The following CNTNAP2 variants were observed in gnomAD, a reference collection of about 807,000 sequenced individuals.
CNTNAP2 encodes the protein contactin associated protein 2, also known as contactin-associated protein-like 2.
Under a neutral mutation model 155.2 loss-of-function variants are expected in CNTNAP2, and 98 were observed. The ratio of observed to expected loss-of-function variants is 0.63; its 90% confidence interval spans 0.54 to 0.75. CNTNAP2 has a LOEUF of 0.75. Among genes scored for constraint, CNTNAP2 ranks in the 30% least tolerant of loss-of-function variants. CNTNAP2 has a pLI of 0.00. For missense variants in CNTNAP2, 1,727 were observed against 1,688.1 expected, an observed-to-expected ratio of 1.02 and a Z score of -0.40; for synonymous variants, 651 against 631.2, an observed-to-expected ratio of 1.03 and a Z score of -0.47.
At chr7:146,962,814 G>A (rs1314949204) in intron 3 of CNTNAP2, 1 of 152,366 alleles carries the variant, frequency 6.6e-6, no homozygotes, top group East Asian at 1.9e-4. Flanking sequence ...GCCTCCCAAA[G>A]TGCTGGCATT....
intron 3 of CNTNAP2, among the ~76,000 whole-genome samples, chr7:146,962,159 A>G (rs747429278): frequency 1.3e-5 from 2 of 152,180 alleles, no homozygotes; most frequent in Non-Finnish European, 2.9e-5. Flanking sequence ...TCTTGAGAAC[A>G]GAGACACTGT....
At chr7:147,337,903 T>C (rs1162443661) in intron 9 of CNTNAP2, among the ~76,000 whole-genome samples, 4 of 152,180 alleles carry the variant, frequency 2.6e-5, no homozygotes, top group African/African-American at 9.7e-5. Context: ...ACCTTACTGA[T>C]AAAATTTTTA....
chr7:147,176,982 T>G (rs942950619), intron 8 of CNTNAP2, among the ~76,000 whole-genome samples: 23 of 139,608 alleles, frequency 1.6e-4, no homozygotes, highest in African/African-American at 6.0e-4. Context: ...TATAAAATTA[T>G]AGATATAATT....
At chr7:147,984,308 C>G (rs1208634113) in intron 15 of CNTNAP2, among the ~76,000 whole-genome samples, 3 of 152,218 alleles carry the variant, frequency 2.0e-5, no homozygotes, top group Non-Finnish European at 2.9e-5. Context: ...CTTAGAACTT[C>G]TAACCACCTG....
intron 13 of CNTNAP2, among the ~76,000 whole-genome samples, chr7:147,728,597 G>T (rs563251194): frequency 8.6e-4 from 130 of 151,982 alleles, no homozygotes; most frequent in African/African-American, 3.1e-3. Context: ...TTTCTAGTTA[G>T]CCCCTTTATT....
intron 3 of CNTNAP2, among the ~76,000 whole-genome samples, chr7:146,986,144 C>T (rs937590584): frequency 3.9e-5 from 6 of 152,050 alleles, no homozygotes; most frequent in Admixed American, 2.6e-4. Context: ...TCTTTTATCC[C>T]TCACCCCTCT....
intron 1 of CNTNAP2, among the ~76,000 whole-genome samples, chr7:146,463,256 T>A (rs574555640): frequency 6.6e-6 from 1 of 152,324 alleles, no homozygotes; most frequent in East Asian, 1.9e-4. Flanking sequence ...GGCTTTGTTA[T>A]ATTAAATGAG....
intron 2 of CNTNAP2, among the ~76,000 whole-genome samples, chr7:146,812,001 A>G (rs377589111): frequency 6.6e-5 from 10 of 152,286 alleles, no homozygotes; most frequent in South Asian, 2.1e-4. Flanking sequence ...TAAATCACCC[A>G]GTCTCAGGTA....
rs1803374581 is a variant in CNTNAP2, at chr7:146,825,067, C to G, written c.209-14644C>G. Among the ~76,000 whole-genome samples, 3 of 152,084 alleles carry G rather than the reference C, an allele frequency of 2.0e-5. No individual in the cohort carries two copies. In the South Asian group the frequency reaches 6.2e-4, roughly 32 times the overall value. The stretch of plus-strand genomic sequence containing the variant: ...AAGCAACTATATTTACAAGGCTTAT[C>G]TGTCCTGTGTGTGTGTGTGTACTTA... On this transcript the variant is annotated intron_variant, in intron 2 of 23. Coordinates refer to ENST00000361727, the MANE Select transcript of CNTNAP2 (RefSeq NM_014141.6).
At chr7:148,080,948 T>C (rs1803591877) in intron 15 of CNTNAP2, among the ~76,000 whole-genome samples, 1 of 152,158 alleles carries the variant, frequency 6.6e-6, no homozygotes, top group African/African-American at 2.4e-5. Context: ...TCTTAGGTGT[T>C]AGAGACGGGG....
intron 14 of CNTNAP2, among the ~76,000 whole-genome samples, chr7:147,961,412 C>T (rs913296651): frequency 6.6e-6 from 1 of 152,120 alleles, no homozygotes; most frequent in Admixed American, 6.6e-5. Context: ...AGCAACAATG[C>T]ACAAGATGAT....
At chr7:146,704,546 T>C (rs1210391763) in intron 1 of CNTNAP2, among the ~76,000 whole-genome samples, 1 of 152,072 alleles carries the variant, frequency 6.6e-6, no homozygotes, top group Non-Finnish European at 1.5e-5. Flanking sequence ...AAATTTCAGG[T>C]CCTGTGTCTA....
intron 11 of CNTNAP2, among the ~76,000 whole-genome samples, chr7:147,518,768 C>T (rs1220588522): frequency 6.6e-6 from 1 of 152,144 alleles, no homozygotes; most frequent in African/African-American, 2.4e-5. Flanking sequence ...TGGTGGCTCA[C>T]GCCTGTAATC....
At chr7:147,913,107 T>C (rs1218022841) in intron 14 of CNTNAP2, among the ~76,000 whole-genome samples, 1 of 152,204 alleles carries the variant, frequency 6.6e-6, no homozygotes, top group Non-Finnish European at 1.5e-5. Context: ...CCTCCTTCTA[T>C]GATTTCATGG....
rs756006548 is a variant in CNTNAP2 at position 147,486,030 on chromosome 7, C to A, written c.1766C>A (p.Thr589Asn). ...TCDETGYSGA[T>N]CHNSIYEPSC... ...GATGAGACAGGATACAGTGGGGCCA[C>A]CTGCCACAACTGTGAGTGCCAATTT... Residue 589 changes from threonine to asparagine, a missense_variant, in exon 11 of 24, where the codon ACC becomes AAC. Transcript: ENST00000361727. 15 of 1,613,620 alleles carry A rather than the reference C, an allele frequency of 9.3e-6. No homozygotes were observed. The highest frequency in any genetic ancestry group is 1.3e-5 in the Non-Finnish European group (15 of 1,179,672).
chr7:146,765,044 A>G (rs1802170956), intron 1 of CNTNAP2, among the ~76,000 whole-genome samples: 1 of 152,266 alleles, frequency 6.6e-6, no homozygotes, highest in East Asian at 1.9e-4. Context: ...TGATCATAAT[A>G]GATTTTCAAT....
At chr7:146,486,570 ACT>A (rs1257608469) in intron 1 of CNTNAP2, among the ~76,000 whole-genome samples, 1 of 152,080 alleles carries the variant, frequency 6.6e-6, no homozygotes, top group Non-Finnish European at 1.5e-5. Flanking sequence ...ATTAGGAGAA[ACT>A]CTGGGTGGAT....
At chr7:146,421,094 GA>G (rs1796005489) in intron 1 of CNTNAP2, among the ~76,000 whole-genome samples, 1 of 152,030 alleles carries the variant, frequency 6.6e-6, no homozygotes, top group Non-Finnish European at 1.5e-5. Flanking sequence ...ATGTCAAGAA[GA>G]GTACAACTGA....
At chr7:147,589,865 C>A (rs1424387258) in intron 12 of CNTNAP2, among the ~76,000 whole-genome samples, 1 of 152,090 alleles carries the variant, frequency 6.6e-6, no homozygotes, top group African/African-American at 2.4e-5. Flanking sequence ...TAGTGACAAA[C>A]TATGTCCCAA....
Sources: allele counts gnomAD v4.1 joint callset (sites outside exome capture counted in the v4.1 genomes callset), GRCh38; gene constraint gnomAD v4.1.1; transcripts MANE v1.5; gene names NCBI Gene and HGNC (gene_info 2026-07-23, HGNC 2026-07-21).